The following TEKT5 variants were observed in gnomAD, a reference collection of about 807,000 sequenced individuals.
The protein encoded by TEKT5 is tektin 5.
TEKT5 carries 52 observed loss-of-function variants against 48.7 expected under a neutral mutation model. The observed-to-expected ratio is 1.07, with a 90% CI of 0.86 to 1.35. The LOEUF is 1.35. TEKT5 is among the 40% of genes most tolerant of loss of function. The probability of loss-of-function intolerance (pLI) is 0.00; values close to 1 mark genes in which losing one functional copy is unlikely to be tolerated. For missense variants in TEKT5, 831 were observed against 641.6 expected (o/e 1.30, Z -3.19); for synonymous variants, 318 against 267.6 (o/e 1.19, Z -1.84).
intron 5 of TEKT5, among the ~76,000 whole-genome samples, chr16:10,668,340 AAGAG>A (rs1453782579): frequency 6.6e-6 from 1 of 152,154 alleles, no homozygotes; most frequent in East Asian, 1.9e-4. Flanking sequence ...ACCATCAGAG[AAGAG>A]AGAGACTTTC....
chr16:10,666,013 G>A (rs546265250), intron 5 of TEKT5, among the ~76,000 whole-genome samples: 5 of 152,316 alleles, frequency 3.3e-5, no homozygotes, highest in South Asian at 4.1e-4. Flanking sequence ...TTGGGAGGCC[G>A]AGGCTGGTGG....
chr16:10,690,774 C>G (rs193132325), intron 1 of TEKT5: 31 of 985,384 alleles, frequency 3.1e-5, no homozygotes, highest in Middle Eastern at 5.2e-4. Context: ...TGATGGGAAG[C>G]TGACAAACAG....
At chr16:10,649,974 C>T (rs1324226890) in intron 5 of TEKT5, among the ~76,000 whole-genome samples, 1 of 152,198 alleles carries the variant, frequency 6.6e-6, no homozygotes, top group Non-Finnish European at 1.5e-5. Context: ...CTGGAACTGA[C>T]AGCTGCCTGT....
chr16:10,636,270 G>C (rs1008611270), intron 5 of TEKT5, among the ~76,000 whole-genome samples: 2 of 152,114 alleles, frequency 1.3e-5, no homozygotes, highest in African/African-American at 4.8e-5. Context: ...AGCTACTCGG[G>C]GGACCGAGGC....
At chr16:10,647,404 C>T (rs1898086933) in intron 5 of TEKT5, among the ~76,000 whole-genome samples, 2 of 150,462 alleles carry the variant, frequency 1.3e-5, no homozygotes, top group Non-Finnish European at 3.0e-5. Flanking sequence ...CCTGGGATGT[C>T]GAGGCTGCAG....
At chr16:10,640,080 C>CTCCTTCCTTCCTTTCTTCTCCT (rs879554323) in intron 5 of TEKT5, among the ~76,000 whole-genome samples, 2 of 147,070 alleles carry the variant, frequency 1.4e-5, no homozygotes, top group African/African-American at 5.3e-5. Flanking sequence ...TCTCCTTCTT[C>CTCCTTCCTTCCTTTCTTCTCCT]TCCTTCCTTC....
chr16:10,676,991 C>A (rs1462590525), intron 4 of TEKT5, among the ~76,000 whole-genome samples: 1 of 152,170 alleles, frequency 6.6e-6, no homozygotes, highest in Non-Finnish European at 1.5e-5. Flanking sequence ...CAAGACCACA[C>A]TGGGCAATGT....
intron 5 of TEKT5, among the ~76,000 whole-genome samples, chr16:10,652,380 T>G (rs551557771): frequency 6.6e-6 from 1 of 150,902 alleles, no homozygotes; most frequent in South Asian, 2.1e-4. Context: ...AACTATCCCT[T>G]ATATACTCAG....
chr16:10,632,655 G>T lies in TEKT5; in HGVS notation c.1241+3109C>A, dbSNP rs73507936. On this transcript the variant is annotated intron_variant, in intron 6 of 6. Coordinates refer to ENST00000283025, the MANE Select transcript of TEKT5 (RefSeq NM_144674.2). ...GGGGATAGGCATGGATGGGACCCTA[G>T]TGATTGGAGTAGGTCAGGAGAAGAG... 2.6e-3 allele frequency among the ~76,000 whole-genome samples: 394 copies of T among 152,088 alleles called. 4 individuals are homozygous for T. The highest frequency in any genetic ancestry group is 9.2e-3 in the African/African-American group (381 of 41,458).
chr16:10,694,703 C>T lies in TEKT5; in HGVS notation c.171G>A (p.Lys57=). The T allele has an allele frequency of 6.2e-7, 1 of 1,613,756 alleles. No individual in the cohort carries two copies. The highest frequency in any genetic ancestry group is 8.5e-7 in the Non-Finnish European group (1 of 1,179,782). Residue 57 remains lysine (K), a synonymous_variant, in exon 1 of 7, where the codon AAG becomes AAA. Transcript: ENST00000283025. ...CCGGGCAGGTCTGGACGTTGGCTAT[C>T]TTGTAGAAGAGGCTAGGCCTCCATG... The part of the protein sequence containing the change: ...LNSWRPSLFY[K]IANVQTCPDE...
intron 5 of TEKT5, among the ~76,000 whole-genome samples, chr16:10,655,959 C>A (rs1898254674): frequency 6.6e-6 from 1 of 152,314 alleles, no homozygotes; most frequent in South Asian, 2.1e-4. Flanking sequence ...TGTGGCTGAA[C>A]CTAATCCCAA....
chr16:10,638,429 C>T (rs1897946060), intron 5 of TEKT5, among the ~76,000 whole-genome samples: 1 of 151,194 alleles, frequency 6.6e-6, no homozygotes, highest in Non-Finnish European at 1.5e-5. Flanking sequence ...TCTTGACACC[C>T]CTTCCCAGAC....
chr16:10,653,800 C>T (rs2142278112), intron 5 of TEKT5, among the ~76,000 whole-genome samples: 1 of 152,222 alleles, frequency 6.6e-6, no homozygotes, highest in Non-Finnish European at 1.5e-5. Flanking sequence ...GTAATCTCAG[C>T]TATTTGGGAG....
chr16:10,674,026 G>T (rs966924874), intron 5 of TEKT5, among the ~76,000 whole-genome samples: 3 of 152,112 alleles, frequency 2.0e-5, no homozygotes, highest in African/African-American at 7.2e-5. Context: ...GACAAGCTTG[G>T]ATCCAAACAC....
intron 3 of TEKT5, among the ~76,000 whole-genome samples, chr16:10,686,296 A>G (rs1898860962): frequency 6.6e-6 from 1 of 152,148 alleles, no homozygotes; most frequent in African/African-American, 2.4e-5. Flanking sequence ...TCAACTCAAA[A>G]TAGATTAAAG....
chr16:10,680,455 GGAT>G (rs1567234848), intron 4 of TEKT5, among the ~76,000 whole-genome samples: 2 of 112,258 alleles, frequency 1.8e-5, no homozygotes, highest in Non-Finnish European at 3.4e-5. Flanking sequence ...TATGTGCTAG[GGAT>G]TTTTTTTTTT....
chr16:10,691,658 T>C (rs1898979432), intron 1 of TEKT5, among the ~76,000 whole-genome samples: 1 of 152,046 alleles, frequency 6.6e-6, no homozygotes, highest in African/African-American at 2.4e-5. Context: ...AAGATGTTAA[T>C]TTCTGGGGGA....
Position 10,689,262 on chromosome 16 carries a change from ATATCAAT to A in TEKT5, c.703_709del (p.Ile235SerfsTer33). ...AAAAAAAAGCCCTTACCGCATCTGG[ATATCAAT>A]TCTTTGAGCTAATTTTCTCATCTGT... On this transcript the variant is annotated frameshift_variant, in exon 3 of 7. Coordinates refer to ENST00000283025, the MANE Select transcript of TEKT5 (RefSeq NM_144674.2). LOFTEE classifies it high-confidence loss of function. 2 of 1,607,612 alleles carry A rather than the reference ATATCAAT, an allele frequency of 1.2e-6. No individual in the cohort carries two copies. The highest frequency in any genetic ancestry group is 1.7e-6 in the Non-Finnish European group (2 of 1,178,202).
At chr16:10,658,838 C>G (rs1455808964) in intron 5 of TEKT5, among the ~76,000 whole-genome samples, 1 of 152,090 alleles carries the variant, frequency 6.6e-6, no homozygotes, top group Non-Finnish European at 1.5e-5. Context: ...GTACCTCAGT[C>G]CCCTGAGTAC....
Sources: allele counts gnomAD v4.1 joint callset (sites outside exome capture counted in the v4.1 genomes callset), GRCh38; gene constraint gnomAD v4.1.1; transcripts MANE v1.5; gene names NCBI Gene and HGNC (gene_info 2026-07-23, HGNC 2026-07-21).